The following ARMC9 variants were observed in gnomAD, a reference collection of about 807,000 sequenced individuals.
The protein encoded by ARMC9 is lisH domain-containing protein ARMC9.
In ARMC9, 94 loss-of-function variants were observed where a neutral mutation model predicts 107.0. The observed-to-expected ratio is 0.88, with a 90% confidence interval of 0.74 to 1.04. The LOEUF (loss-of-function observed/expected upper bound fraction) is 1.04. ARMC9 is among the 50% of genes least tolerant of loss of function. ARMC9 has a pLI of 0.00. For missense variants in ARMC9, 942 were observed against 1,030.1 expected (o/e 0.91, Z 1.17); for synonymous variants, 380 against 396.9 (o/e 0.96, Z 0.51).
intron 5 of ARMC9, among the ~76,000 whole-genome samples, chr2:231,217,441 G>A (rs114727619): frequency 6.2e-4 from 94 of 152,048 alleles, no homozygotes; most frequent in Middle Eastern, 6.8e-3. Context: ...AAAATTAGCC[G>A]GGTGTGTAAT....
intron 16 of ARMC9, among the ~76,000 whole-genome samples, chr2:231,278,966 C>A (rs2125447631): frequency 6.6e-6 from 1 of 152,280 alleles, no homozygotes; most frequent in South Asian, 2.1e-4. Context: ...CAAAATAGCC[C>A]CTTGTTTGTG....
intron 8 of ARMC9, among the ~76,000 whole-genome samples, chr2:231,237,681 C>T (rs1341170215): frequency 1.5e-5 from 2 of 137,316 alleles, no homozygotes; most frequent in Non-Finnish European, 3.1e-5. Flanking sequence ...TGGCATTCTG[C>T]ATATTTTAAT....
chr2:231,213,190 G>T, intron 3 of ARMC9, among the ~76,000 whole-genome samples: 1 of 149,328 alleles, frequency 6.7e-6, no homozygotes, highest in Non-Finnish European at 1.5e-5. Flanking sequence ...CTGAGACAGG[G>T]TCTCATTCTG....
At chr2:231,270,226 C>G (rs76151222) in intron 12 of ARMC9, among the ~76,000 whole-genome samples, 2,031 of 152,254 alleles carry the variant, frequency 0.013, 39 homozygotes, top group African/African-American at 0.045. Flanking sequence ...ACTAACCCCC[C>G]TCTCCATTTT....
At chr2:231,206,397 T>C in intron 2 of ARMC9, 108 bp downstream of exon 2, 1 of 922,218 alleles carries the variant, frequency 1.1e-6, no homozygotes, top group East Asian at 2.7e-5. Context: ...TCTATTGTTA[T>C]GTTGGAGCTA....
intron 6 of ARMC9, among the ~76,000 whole-genome samples, chr2:231,223,136 T>A (rs189570411): frequency 5.3e-5 from 8 of 152,362 alleles, no homozygotes; most frequent in Admixed American, 2.0e-4. Context: ...TTGCAGAATG[T>A]CACTTAACCA....
At chr2:231,283,458 C>G (rs1004737070) in intron 17 of ARMC9, among the ~76,000 whole-genome samples, 12 of 152,158 alleles carry the variant, frequency 7.9e-5, no homozygotes, top group African/African-American at 2.9e-4. Context: ...GAGACAGAGT[C>G]TGGCTCTGTC....
chr2:231,323,495 G>T (rs2043116806), intron 19 of ARMC9, among the ~76,000 whole-genome samples: 1 of 152,132 alleles, frequency 6.6e-6, no homozygotes, highest in South Asian at 2.1e-4. Flanking sequence ...TGGCTTCTTT[G>T]TTAAGCTGCC....
chr2:231,296,151 G>T (rs113539032), intron 18 of ARMC9, 47 bp from the exon 19 acceptor site: 5 of 1,461,364 alleles, frequency 3.4e-6, no homozygotes, highest in African/African-American at 1.4e-5. Context: ...GTGGACCAAG[G>T]CTCCCACTGT....
intron 20 of ARMC9, among the ~76,000 whole-genome samples, chr2:231,337,852 T>C (rs1575129032): frequency 6.6e-6 from 1 of 152,242 alleles, no homozygotes; most frequent in African/African-American, 2.4e-5. Flanking sequence ...ACAAAAGAAA[T>C]GTATGCTTAT....
At position 231,239,933 on chromosome 2, in the gene ARMC9, C is replaced by A. The variant is rs1305379177; in HGVS notation, c.781-10C>A. The A allele has an allele frequency of 2.5e-6, 4 of 1,610,050 alleles. No individual in the cohort carries two copies. The highest frequency in any genetic ancestry group is 3.4e-6 in the Non-Finnish European group (4 of 1,176,582). ...TGCCATCACCAGATGTCTTTGTATCCTCCTTGCAGATCACCCCTGAGTACC... is the reference window on the plus strand; with the variant it reads ...TGCCATCACCAGATGTCTTTGTATCATCCTTGCAGATCACCCCTGAGTACC... On this transcript the variant is annotated splice_polypyrimidine_tract_variant and intron_variant, in intron 8 of 24. Coordinates refer to ENST00000611582, the MANE Select transcript of ARMC9 (RefSeq NM_001352754.2).
At chr2:231,346,855 A>G (rs955881200) in intron 21 of ARMC9, among the ~76,000 whole-genome samples, 4 of 152,240 alleles carry the variant, frequency 2.6e-5, no homozygotes, top group African/African-American at 9.6e-5. Flanking sequence ...GATAAATATA[A>G]TACCTTTTTA....
chr2:231,326,407 C>T (rs1421474148), intron 19 of ARMC9, among the ~76,000 whole-genome samples: 5 of 152,232 alleles, frequency 3.3e-5, no homozygotes, highest in African/African-American at 1.2e-4. Context: ...CTAGCAGGAG[C>T]AGCATCTCCT....
intron 9 of ARMC9, among the ~76,000 whole-genome samples, chr2:231,245,324 T>C (rs1481672976): frequency 6.6e-6 from 1 of 152,180 alleles, no homozygotes; most frequent in South Asian, 2.1e-4. Context: ...TTTTTTGTTT[T>C]CTAAGATTAC....
At chr2:231,329,224 T>C (rs79779383) in intron 19 of ARMC9, among the ~76,000 whole-genome samples, 2,588 of 152,286 alleles carry the variant, frequency 0.017, 70 homozygotes, top group African/African-American at 0.058. Context: ...CCTTTACACC[T>C]GTAAATAAAT....
intron 7 of ARMC9, among the ~76,000 whole-genome samples, chr2:231,232,320 G>A (rs1010254032): frequency 4.6e-5 from 7 of 151,882 alleles, no homozygotes; most frequent in Non-Finnish European, 7.4e-5. Flanking sequence ...CACTGCACCT[G>A]GCCAAATTTA....
At chr2:231,219,041 C>G (rs1254457788) in intron 5 of ARMC9, among the ~76,000 whole-genome samples, 1 of 152,134 alleles carries the variant, frequency 6.6e-6, no homozygotes, top group Non-Finnish European at 1.5e-5. Context: ...TATGAGCCAT[C>G]ACGCCCAGCC....
At chr2:231,207,131 G>A (rs139132932) in intron 2 of ARMC9, among the ~76,000 whole-genome samples, 288 of 151,570 alleles carry the variant, frequency 1.9e-3, no homozygotes, top group Middle Eastern at 6.9e-3. Flanking sequence ...CAGCCTCCTG[G>A]GTAGCTGAGA....
At chr2:231,245,659 T>C (rs1000046006) in intron 9 of ARMC9, among the ~76,000 whole-genome samples, 8 of 152,252 alleles carry the variant, frequency 5.3e-5, no homozygotes, top group Non-Finnish European at 1.0e-4. Context: ...CATTAACTTT[T>C]ACTTGTGTGT....
Sources: allele counts gnomAD v4.1 joint callset (sites outside exome capture counted in the v4.1 genomes callset), GRCh38; gene constraint gnomAD v4.1.1; transcripts MANE v1.5; gene names NCBI Gene and HGNC (gene_info 2026-07-23, HGNC 2026-07-21).